Variants in UVRAG observed in about 807,000 individuals in gnomAD.
UVRAG encodes UV radiation resistance-associated gene protein.
In UVRAG, 19 loss-of-function variants were observed where a neutral mutation model predicts 78.0. That is an observed-to-expected ratio of 0.24 (90% CI 0.17 to 0.36). The LOEUF (loss-of-function observed/expected upper bound fraction) is 0.36. Among genes scored for constraint, UVRAG ranks in the 10% least tolerant of loss-of-function variants. The probability of loss-of-function intolerance (pLI) is 1.00; values close to 1 mark genes in which losing one functional copy is unlikely to be tolerated. For synonymous variants in UVRAG, 323 were observed against 324.6 expected, an observed-to-expected ratio of 1.00 and a Z score of 0.05; for missense variants, 740 against 853.8, an observed-to-expected ratio of 0.87 and a Z score of 1.66.
intron 2 of UVRAG, among the ~76,000 whole-genome samples, chr11:75,856,737 G>A (rs1378162778): frequency 6.6e-6 from 1 of 152,186 alleles, no homozygotes; most frequent in African/African-American, 2.4e-5. Context: ...AAGCCACCAA[G>A]CCTGGGTCAA....
At chr11:76,077,931 T>C (rs1951432477) in intron 13 of UVRAG, among the ~76,000 whole-genome samples, 1 of 152,264 alleles carries the variant, frequency 6.6e-6, no homozygotes, top group South Asian at 2.1e-4. Context: ...TTTAGCCTTT[T>C]TACTTGTTCA....
chr11:76,097,060 G>A lies in UVRAG; in HGVS notation c.1306-18864G>A, dbSNP rs183338272. On this transcript the variant is annotated intron_variant, in intron 13 of 14. Transcript: ENST00000356136. ...AGGCTTGTTTTCTGGCACTCCGCAA[G>A]TGCAAGATGGTGATGGAGGTGGAGA... is the stretch of plus-strand genomic sequence containing the variant. 3.3e-5 allele frequency among the ~76,000 whole-genome samples: 5 copies of A among 152,260 alleles called. No individual in the cohort carries two copies. In the East Asian group the frequency reaches 7.7e-4, roughly 24 times the overall value.
chr11:76,123,502 C>T (rs1449018550), intron 14 of UVRAG, among the ~76,000 whole-genome samples: 2 of 152,098 alleles, frequency 1.3e-5, no homozygotes, highest in Admixed American at 6.5e-5. Context: ...GAATGGCATG[C>T]TCTTTTTTTC....
At chr11:75,979,310 C>G (rs753837939) in intron 7 of UVRAG, among the ~76,000 whole-genome samples, 6 of 152,198 alleles carry the variant, frequency 3.9e-5, no homozygotes, top group Non-Finnish European at 7.3e-5. Flanking sequence ...CCCAGTTAGG[C>G]TACTTGGGGG....
intron 4 of UVRAG, among the ~76,000 whole-genome samples, chr11:75,884,579 T>G (rs1947036235): frequency 6.6e-6 from 1 of 152,126 alleles, no homozygotes; most frequent in South Asian, 2.1e-4. Flanking sequence ...CAATGATCCA[T>G]TTTGAATTTT....
chr11:75,952,993 T>G (rs1948731513), intron 6 of UVRAG, among the ~76,000 whole-genome samples: 1 of 152,170 alleles, frequency 6.6e-6, no homozygotes, highest in African/African-American at 2.4e-5. Flanking sequence ...TTGTGGATTT[T>G]AAACAATTTG....
At chr11:76,085,882 A>G (rs1029650488) in intron 13 of UVRAG, among the ~76,000 whole-genome samples, 9 of 152,060 alleles carry the variant, frequency 5.9e-5, no homozygotes, top group African/African-American at 2.2e-4. Flanking sequence ...CTCATCTATC[A>G]GCTTGTATTT....
At chr11:76,020,649 C>CTTTTTT (rs35112254) in intron 12 of UVRAG, among the ~76,000 whole-genome samples, 17 of 52,272 alleles carry the variant, frequency 3.3e-4, no homozygotes, top group African/African-American at 1.2e-3. Flanking sequence ...AAGAAGGAGT[C>CTTTTTT]TTTTTTTTTT....
At chr11:76,087,487 C>T (rs535324146) in intron 13 of UVRAG, among the ~76,000 whole-genome samples, 13 of 152,242 alleles carry the variant, frequency 8.5e-5, no homozygotes, top group Admixed American at 3.3e-4. Context: ...AATACTGCCA[C>T]AGATGATAAT....
chr11:75,892,220 G>A, intron 5 of UVRAG: 1 of 489,674 alleles, frequency 2.0e-6, no homozygotes, highest in East Asian at 1.5e-4. Context: ...AAAGAATTAA[G>A]CCAGTCACAC....
At chr11:75,859,578 T>TTATA (rs1381041591) in intron 2 of UVRAG, among the ~76,000 whole-genome samples, 1 of 152,180 alleles carries the variant, frequency 6.6e-6, no homozygotes, top group Non-Finnish European at 1.5e-5. Flanking sequence ...AACAACCCTA[T>TTATA]TATATTCCAG....
chr11:75,822,273 C>T (rs928112579), intron 1 of UVRAG, among the ~76,000 whole-genome samples: 1 of 152,178 alleles, frequency 6.6e-6, no homozygotes, highest in Non-Finnish European at 1.5e-5. Flanking sequence ...TAACTTTTAT[C>T]ATCACCAGCT....
In UVRAG at chr11:75,831,250, A is replaced by G. The variant is rs150086659; in HGVS notation, c.117+15726A>G. ...ACACCTGTAATCCCAGCACTTTGGG[A>G]GGCTGAGGCGGGCAGATCACGAGGT... On this transcript the variant is annotated intron_variant, in intron 1 of 14. Coordinates refer to ENST00000356136, the MANE Select transcript of UVRAG (RefSeq NM_003369.4). 3.5e-3 allele frequency among the ~76,000 whole-genome samples: 534 copies of G among 152,270 alleles called. 4 individuals are homozygous for G. The highest frequency in any genetic ancestry group is 0.012 in the African/African-American group (507 of 41,546).
At chr11:75,866,032 G>A (rs1346130635) in intron 3 of UVRAG, among the ~76,000 whole-genome samples, 2 of 152,146 alleles carry the variant, frequency 1.3e-5, no homozygotes, top group East Asian at 1.9e-4. Context: ...CAAGGTGGGC[G>A]GATTGCTTGA....
intron 13 of UVRAG, among the ~76,000 whole-genome samples, chr11:76,100,260 C>G (rs970525612): frequency 2.0e-5 from 3 of 152,114 alleles, no homozygotes; most frequent in African/African-American, 7.2e-5. Context: ...ACCCTTTCCC[C>G]TGAGCACTTA....
intron 7 of UVRAG, among the ~76,000 whole-genome samples, chr11:75,982,741 A>T (rs1328214122): frequency 6.6e-6 from 1 of 152,256 alleles, no homozygotes; most frequent in Non-Finnish European, 1.5e-5. Flanking sequence ...GACATTTCAT[A>T]TAAATGGAGC....
chr11:76,094,616 A>G (rs1371502798), intron 13 of UVRAG, among the ~76,000 whole-genome samples: 6 of 151,408 alleles, frequency 4.0e-5, no homozygotes, highest in Non-Finnish European at 7.4e-5. Flanking sequence ...GAATTTATCC[A>G]TTTCTTCTAG....
At chr11:75,860,239 C>G (rs1260944334) in intron 2 of UVRAG, among the ~76,000 whole-genome samples, 1 of 152,266 alleles carries the variant, frequency 6.6e-6, no homozygotes, top group African/African-American at 2.4e-5. Context: ...GCCACCACAC[C>G]CAGCCCCCAA....
intron 12 of UVRAG, among the ~76,000 whole-genome samples, chr11:76,064,524 TG>T (rs1951152132): frequency 6.6e-6 from 1 of 152,236 alleles, no homozygotes; most frequent in South Asian, 2.1e-4. Flanking sequence ...TATGAAGCTC[TG>T]TCTTCTTGAT....
Sources: gnomAD v4.1 joint callset for allele counts (sites outside exome capture counted in the v4.1 genomes callset) on GRCh38, gnomAD v4.1.1 for gene constraint, MANE v1.5 for transcripts, NCBI Gene and HGNC (gene_info 2026-07-23, HGNC 2026-07-21) for gene names.